Variants in CYRIB observed in about 807,000 individuals in gnomAD.
CYRIB encodes CYFIP-related Rac1 interactor B.
In CYRIB, 8 loss-of-function variants were observed where a neutral mutation model predicts 44.2. The ratio of observed to expected loss-of-function variants is 0.18; its 90% CI spans 0.11 to 0.33. The LOEUF (loss-of-function observed/expected upper bound fraction) is 0.33, where lower values mean the gene tolerates loss of function less well. Ranked by LOEUF, CYRIB falls within the 10% of genes least tolerant of loss-of-function variation. The pLI is 1.00. For missense variants in CYRIB, 185 were observed against 382.8 expected (o/e 0.48, Z 4.31); for synonymous variants, 131 against 127.2 (o/e 1.03, Z -0.20).
chr8:129,939,944 C>T (rs889464876), upstream of CYRIB: 2 of 152,216 alleles, frequency 1.3e-5, no homozygotes, highest in African/African-American at 4.8e-5. Context: ...ATCTTCTCCG[C>T]CCCTCATCCC....
At chr8:129,861,168 A>G (rs1339017003) in intron 5 of CYRIB, among the ~76,000 whole-genome samples, 1 of 152,208 alleles carries the variant, frequency 6.6e-6, no homozygotes. Context: ...ACACACATCT[A>G]TACTATTCCT....
chr8:129,920,470 T>A (rs751740574), intron 1 of CYRIB, among the ~76,000 whole-genome samples: 34 of 152,178 alleles, frequency 2.2e-4, no homozygotes, highest in Non-Finnish European at 4.9e-4. Flanking sequence ...CATTCAGTAT[T>A]TTCAGATTTT....
At chr8:129,930,891 G>A (rs1234398778) in intron 1 of CYRIB, among the ~76,000 whole-genome samples, 7 of 151,896 alleles carry the variant, frequency 4.6e-5, no homozygotes, top group African/African-American at 1.2e-4. Context: ...CTAAATTCAC[G>A]TATGCTTTAA....
upstream of CYRIB, chr8:130,016,501 G>C (rs946011375): frequency 7.7e-5 from 12 of 156,846 alleles, no homozygotes; most frequent in Non-Finnish European, 1.5e-4. Context: ...AGCTGCCCCC[G>C]CCGCGGCGGC....
chr8:129,858,915 A>AT (rs1415580698), intron 5 of CYRIB, among the ~76,000 whole-genome samples: 2 of 152,242 alleles, frequency 1.3e-5, no homozygotes, highest in Non-Finnish European at 2.9e-5. Flanking sequence ...AGTTTACTGT[A>AT]GGGTCCAGCC....
chr8:129,864,705 A>T (rs1391671926), intron 4 of CYRIB: 2 of 303,902 alleles, frequency 6.6e-6, no homozygotes, highest in Non-Finnish European at 1.3e-5. Context: ...ATGTATGGGT[A>T]GCCTGTCCTT....
At chr8:129,991,294 A>G (rs1351553721) in intron 1 of CYRIB, among the ~76,000 whole-genome samples, 1 of 148,402 alleles carries the variant, frequency 6.7e-6, no homozygotes, top group East Asian at 2.0e-4. Flanking sequence ...GCTGAATAGA[A>G]TGGACATTTG....
At chr8:129,906,031 G>A (rs1268381637) in intron 1 of CYRIB, among the ~76,000 whole-genome samples, 4 of 152,006 alleles carry the variant, frequency 2.6e-5, no homozygotes, top group Admixed American at 6.6e-5. Context: ...ACTGCCCAAG[G>A]TAATTTATAG....
chr8:129,866,127 G>A (rs1316555675), intron 4 of CYRIB, among the ~76,000 whole-genome samples: 1 of 152,130 alleles, frequency 6.6e-6, no homozygotes, highest in African/African-American at 2.4e-5. Flanking sequence ...CGTATGTGTT[G>A]TGTGCAGTTA....
At chr8:129,998,177 G>C (rs1199034415) in intron 1 of CYRIB, among the ~76,000 whole-genome samples, 1 of 149,452 alleles carries the variant, frequency 6.7e-6, no homozygotes, top group African/African-American at 2.5e-5. Flanking sequence ...GCCCCTTCCA[G>C]AGCACTGTCA....
intron 1 of CYRIB, among the ~76,000 whole-genome samples, chr8:129,990,413 G>A (rs558343516): frequency 1.3e-5 from 2 of 152,074 alleles, no homozygotes; most frequent in South Asian, 4.1e-4. Context: ...TACGTAATAT[G>A]TATAATATTT....
chr8:129,893,824 C>T (rs1213138135), intron 2 of CYRIB, among the ~76,000 whole-genome samples: 4 of 151,178 alleles, frequency 2.6e-5, no homozygotes. Context: ...TGAGCCATCA[C>T]ACTAGGCCTT....
intron 2 of CYRIB, among the ~76,000 whole-genome samples, chr8:129,963,874 C>T (rs1008503925): frequency 6.6e-6 from 1 of 152,176 alleles, no homozygotes; most frequent in African/African-American, 2.4e-5. Context: ...GATTTTGATT[C>T]CATACGCTTA....
chr8:130,004,761 A>ATTTTT (rs775327457), intron 1 of CYRIB, among the ~76,000 whole-genome samples: 23 of 123,878 alleles, frequency 1.9e-4, no homozygotes, highest in Non-Finnish European at 2.7e-4. Context: ...ATTGTCAGGA[A>ATTTTT]TTTTTTTTTT....
chr8:130,003,217 T>TAAC (rs528374664), intron 1 of CYRIB, among the ~76,000 whole-genome samples: 162 of 152,298 alleles, frequency 1.1e-3, no homozygotes, highest in African/African-American at 3.8e-3. Context: ...GACCCTGTCT[T>TAAC]AACAACAACA....
In CYRIB at chr8:129,864,593, C is replaced by T. The variant is rs574439731; in HGVS notation, c.196-2259G>A. Reference sequence around the variant, plus strand: ...TCTCTCCACAGAGATCCTGGCCCCACCCAGCCCAATAAAGTGTGCAGACTA... The same window carrying T: ...TCTCTCCACAGAGATCCTGGCCCCATCCAGCCCAATAAAGTGTGCAGACTA... On this transcript the variant is annotated intron_variant, in intron 4 of 11. Coordinates refer to ENST00000519824, the Ensembl canonical transcript of CYRIB. 8 of 167,824 alleles carry T rather than the reference C, an allele frequency of 4.8e-5. No individual in the cohort carries two copies. The South Asian group carries it at 1.1e-3, about 23-fold the overall frequency. 10.4% of individuals were successfully genotyped at this position (167,824 alleles called of 1,614,324 possible). A position where few individuals can be genotyped will look rare whatever the true frequency, so the allele number is the denominator to read the frequency against.
At chr8:129,905,452 C>T (rs1387126761) in intron 1 of CYRIB, among the ~76,000 whole-genome samples, 1 of 152,136 alleles carries the variant, frequency 6.6e-6, no homozygotes, top group Non-Finnish European at 1.5e-5. Flanking sequence ...CTCCCGATGT[C>T]GTGATCTGCC....
chr8:129,843,299 A>C lies in CYRIB; in HGVS notation c.912-1094T>G, dbSNP rs186898823. On this transcript the variant is annotated intron_variant, in intron 11 of 11. Transcript: ENST00000519824. ...TAAGTGCAGTAAAAGCCAGTGGAGC[A>C]TATTAAGCAGGAGAGGGGTGTGCTG... Among the ~76,000 whole-genome samples the C allele has an allele frequency of 9.2e-5, 14 of 152,356 alleles. No homozygotes were observed. The East Asian group carries it at 2.3e-3, about 25-fold the overall frequency.
At chr8:129,935,657 C>T (rs2092673205) in intron 1 of CYRIB, among the ~76,000 whole-genome samples, 2 of 152,166 alleles carry the variant, frequency 1.3e-5, no homozygotes, top group African/African-American at 4.8e-5. Context: ...ATATATCATA[C>T]ATAATGCATC....
Sources: allele counts gnomAD v4.1 joint callset (sites outside exome capture counted in the v4.1 genomes callset), GRCh38; gene constraint gnomAD v4.1.1; transcripts MANE v1.5; gene names NCBI Gene and HGNC (gene_info 2026-07-23, HGNC 2026-07-21).